Variants in NALCN observed in about 807,000 individuals in gnomAD.
NALCN encodes sodium leak channel, non-selective.
A neutral mutation model predicts 225.3 loss-of-function variants in NALCN; 111 were observed. That is an observed-to-expected ratio of 0.49 (90% CI 0.42 to 0.58). The LOEUF is 0.58. Among genes scored for constraint, NALCN ranks in the 20% least tolerant of loss-of-function variants. NALCN has a pLI of 0.00. For missense variants in NALCN, 1,378 were observed against 2,202.4 expected, an observed-to-expected ratio of 0.63 and a Z score of 7.49; for synonymous variants, 764 against 769.0, an observed-to-expected ratio of 0.99 and a Z score of 0.11.
At chr13:101,388,528 G>A (rs2047056610) in intron 3 of NALCN, among the ~76,000 whole-genome samples, 1 of 152,216 alleles carries the variant, frequency 6.6e-6, no homozygotes, top group East Asian at 1.9e-4. Context: ...AAACGATTTG[G>A]TCCTAAGTCA....
At chr13:101,081,724 A>G (rs1267750372) in intron 33 of NALCN, 78 bp from the exon 34 acceptor site, 17 of 1,507,942 alleles carry the variant, frequency 1.1e-5, no homozygotes, top group African/African-American at 4.2e-5. Context: ...GAGATGCATT[A>G]TGTGTATGTA....
At chr13:101,150,141 CAGAGTACATACTGTTGTAT>C (rs2037567766) in intron 15 of NALCN, among the ~76,000 whole-genome samples, 1 of 83,410 alleles carries the variant, frequency 1.2e-5, no homozygotes, top group South Asian at 6.0e-4. Flanking sequence ...GACGCAACAA[CAGAGTACATACTGTTGTAT>C]GTACTCCATT....
At chr13:101,260,572 G>T (rs2042391693) in intron 10 of NALCN, among the ~76,000 whole-genome samples, 1 of 152,150 alleles carries the variant, frequency 6.6e-6, no homozygotes, top group Non-Finnish European at 1.5e-5. Context: ...TTTAACTGGG[G>T]TGATATGATG....
rs562008109 is a variant in NALCN, at chr13:101,330,714, C to T, written c.799+14552G>A. On this transcript the variant is annotated intron_variant, in intron 7 of 43. Coordinates refer to ENST00000251127, the MANE Select transcript of NALCN (RefSeq NM_052867.4). ...CTTGAATTGTAGCTCCCATAATAAT[C>T]CCCATGTGTCCTGGGAGGGATTCAG... Among the ~76,000 whole-genome samples, 9 of 152,260 alleles carry T rather than the reference C, an allele frequency of 5.9e-5. No homozygotes were observed. In the East Asian group the frequency reaches 1.7e-3, roughly 29 times the overall value.
intron 41 of NALCN, among the ~76,000 whole-genome samples, chr13:101,060,814 G>A (rs74451946): frequency 1.3e-5 from 2 of 152,268 alleles, no homozygotes; most frequent in African/African-American, 2.4e-5. Context: ...CTAAAGCCAG[G>A]ACTCCTTGTG....
At chr13:101,262,703 C>A (rs1037693667) in intron 10 of NALCN, among the ~76,000 whole-genome samples, 4 of 152,108 alleles carry the variant, frequency 2.6e-5, no homozygotes, top group Non-Finnish European at 4.4e-5. Context: ...CTGAGCACTG[C>A]CAATGTCTCC....
intron 9 of NALCN, among the ~76,000 whole-genome samples, chr13:101,291,378 G>A (rs1359031337): frequency 1.3e-5 from 2 of 152,090 alleles, no homozygotes; most frequent in African/African-American, 2.4e-5. Flanking sequence ...AGCCATTTGA[G>A]GATTTGTGAT....
chr13:101,395,202 T>C lies in NALCN; in HGVS notation c.272A>G (p.His91Arg). The change falls in exon 3 of 44, where the codon CAC becomes CGC. Residue 91 changes from histidine to arginine, a missense_variant. By Grantham distance (29) the His-to-Arg change is conservative. Coordinates refer to ENST00000251127, the MANE Select transcript of NALCN (RefSeq NM_052867.4). ...GCTCACCTTGACAATGCCCCGGATG[T>C]GCATTTTTGCTATCATCTCTGCCGT... ...LYTAEMIAKM[H>R]IRGIVKGDSS... is the part of the protein sequence containing the mutation. 2 of 1,613,562 alleles carry C rather than the reference T, an allele frequency of 1.2e-6. No individual in the cohort carries two copies. The highest frequency in any genetic ancestry group is 1.7e-6 in the Non-Finnish European group (2 of 1,179,764).
At chr13:101,198,464 T>G (rs1028387199) in intron 13 of NALCN, among the ~76,000 whole-genome samples, 1 of 151,962 alleles carries the variant, frequency 6.6e-6, no homozygotes, top group African/African-American at 2.4e-5. Context: ...AACAACCCCA[T>G]CAAAAAGTGG....
At chr13:101,287,185 A>G (rs575052068) in intron 9 of NALCN, among the ~76,000 whole-genome samples, 2 of 152,302 alleles carry the variant, frequency 1.3e-5, no homozygotes, top group South Asian at 4.1e-4. Context: ...TGTATGTTTT[A>G]CTTTTGGATA....
intron 7 of NALCN, among the ~76,000 whole-genome samples, chr13:101,332,961 T>C (rs1369257236): frequency 6.6e-6 from 1 of 152,238 alleles, no homozygotes; most frequent in Admixed American, 6.5e-5. Flanking sequence ...TTCTTCTAAA[T>C]TTATTTCACC....
At chr13:101,302,492 G>T (rs1401446261) in intron 7 of NALCN, among the ~76,000 whole-genome samples, 1 of 152,020 alleles carries the variant, frequency 6.6e-6, no homozygotes, top group Admixed American at 6.6e-5. Context: ...GAGTGATAGG[G>T]ACCAAATGTA....
chr13:101,321,854 C>G (rs1022201942), intron 7 of NALCN, among the ~76,000 whole-genome samples: 14 of 151,984 alleles, frequency 9.2e-5, no homozygotes, highest in African/African-American at 3.4e-4. Flanking sequence ...CTTGGAGATA[C>G]CGGAGAGAGG....
intron 14 of NALCN, among the ~76,000 whole-genome samples, chr13:101,178,080 A>G (rs2039035072): frequency 6.6e-6 from 1 of 152,180 alleles, no homozygotes; most frequent in Admixed American, 6.5e-5. Context: ...TCTGAACCAG[A>G]CATCATTCCA....
At chr13:101,151,590 C>G (rs756817221) in intron 15 of NALCN, among the ~76,000 whole-genome samples, 1 of 152,180 alleles carries the variant, frequency 6.6e-6, no homozygotes, top group Non-Finnish European at 1.5e-5. Context: ...GGAGTCCCTC[C>G]TCTTTGTTAT....
At chr13:101,397,813 C>T (rs2047359905) in intron 2 of NALCN, among the ~76,000 whole-genome samples, 1 of 151,734 alleles carries the variant, frequency 6.6e-6, no homozygotes, top group Admixed American at 6.6e-5. Context: ...AAATATAAAA[C>T]AGGCTAAGTG....
In NALCN at chr13:101,053,956, T is replaced by A. The variant is rs986032172; in HGVS notation, c.*1339A>T. The A allele has an allele frequency of 1.3e-5, 2 of 151,350 alleles. No homozygotes were observed. The highest frequency in any genetic ancestry group is 2.9e-5 in the Non-Finnish European group (2 of 68,006). 9.4% of individuals were successfully genotyped at this position (151,350 alleles called of 1,614,324 possible). ...CGATACTTCTGTGACACAGAAGGAA[T>A]GTCCTATTTGCCTATCTATCTGAGG... On this transcript the variant is annotated 3_prime_UTR_variant, in exon 44 of 44. Transcript: ENST00000251127.
chr13:101,227,713 A>G (rs893241108), intron 13 of NALCN, among the ~76,000 whole-genome samples: 1 of 152,116 alleles, frequency 6.6e-6, no homozygotes, highest in Non-Finnish European at 1.5e-5. Flanking sequence ...TCTCTTCTTC[A>G]GCCTCTTGAA....
intron 9 of NALCN, among the ~76,000 whole-genome samples, chr13:101,286,901 G>C (rs1454297170): frequency 1.5e-5 from 2 of 136,012 alleles, no homozygotes; most frequent in African/African-American, 5.1e-5. Flanking sequence ...ACACACACCT[G>C]CATCCCACAG....
Sources: allele counts gnomAD v4.1 joint callset (sites outside exome capture counted in the v4.1 genomes callset), GRCh38; gene constraint gnomAD v4.1.1; transcripts MANE v1.5; gene names NCBI Gene and HGNC (gene_info 2026-07-23, HGNC 2026-07-21).